Variants in SYT16 observed in about 807,000 individuals in gnomAD.
SYT16 encodes the protein synaptotagmin 16.
SYT16 carries 42 observed loss-of-function variants against 61.4 expected under a neutral mutation model. The observed-to-expected ratio is 0.68, with a 90% CI of 0.53 to 0.89. SYT16 has a LOEUF of 0.89. Ranked by LOEUF, SYT16 falls within the 40% of genes least tolerant of loss-of-function variation. The pLI, the probability that SYT16 is intolerant of heterozygous loss-of-function variation, is 0.00. For synonymous variants in SYT16, 314 were observed against 302.3 expected, an observed-to-expected ratio of 1.04 and a Z score of -0.40; for missense variants, 804 against 807.3, an observed-to-expected ratio of 1.00 and a Z score of 0.05.
intron 3 of SYT16, among the ~76,000 whole-genome samples, chr14:62,051,718 G>T (rs76134318): frequency 0.042 from 6,451 of 152,168 alleles, 172 homozygotes; most frequent in Middle Eastern, 0.092. Context: ...TATCTCAGTC[G>T]ATCTTGTTAG....
chr14:61,818,604 G>T (rs987486806), intron 1 of SYT16, among the ~76,000 whole-genome samples: 14 of 151,788 alleles, frequency 9.2e-5, no homozygotes, highest in Admixed American at 2.6e-4. Flanking sequence ...CTTGAACCTG[G>T]GAGGCGGAGG....
chr14:62,071,630 C>G (rs1001067830), intron 4 of SYT16, among the ~76,000 whole-genome samples: 2 of 151,930 alleles, frequency 1.3e-5, no homozygotes, highest in Non-Finnish European at 2.9e-5. Flanking sequence ...TTTTTTTGTT[C>G]ATCTTTATAT....
chr14:61,982,901 T>G (rs886569143), intron 2 of SYT16, among the ~76,000 whole-genome samples: 1 of 152,194 alleles, frequency 6.6e-6, no homozygotes, highest in South Asian at 2.1e-4. Context: ...AGATACATCC[T>G]GTCTGGAGGA....
intron 1 of SYT16, among the ~76,000 whole-genome samples, chr14:61,888,935 C>T (rs975862693): frequency 5.3e-5 from 8 of 152,072 alleles, no homozygotes; most frequent in Admixed American, 3.9e-4. Context: ...TTAGGTTTTG[C>T]GCTGGTATTG....
intron 3 of SYT16, among the ~76,000 whole-genome samples, chr14:62,063,846 C>T (rs1349241482): frequency 6.6e-6 from 1 of 152,110 alleles, no homozygotes; most frequent in Non-Finnish European, 1.5e-5. Context: ...CACAGTAGCA[C>T]CTTGGTTGTG....
intron 4 of SYT16, among the ~76,000 whole-genome samples, chr14:62,074,316 A>G (rs570394559): frequency 6.6e-6 from 1 of 152,188 alleles, no homozygotes; most frequent in South Asian, 2.1e-4. Context: ...ATGGGGAGGG[A>G]GGACAGGACA....
rs145271855 is a variant in SYT16, at chr14:61,859,270, A to G, written c.-325+46460A>G. Among the ~76,000 whole-genome samples the G allele has an allele frequency of 2.8e-3, 424 of 152,244 alleles. 3 individuals are homozygous for G. The highest frequency in any genetic ancestry group is 9.9e-3 in the African/African-American group (412 of 41,554). ...TGCTGGCGGGAACTAGGGACTAGAC[A>G]TGTTGGCTCCATCTTCCTTTAGGTG... On this transcript the variant is annotated intron_variant, in intron 1 of 7. Transcript: ENST00000683842.
intron 1 of SYT16, among the ~76,000 whole-genome samples, chr14:61,930,782 A>T (rs2049734084): frequency 1.3e-5 from 2 of 152,016 alleles, no homozygotes; most frequent in Non-Finnish European, 2.9e-5. Context: ...GGTCAGAGTA[A>T]TGTGATATAA....
At chr14:62,086,269 A>T (rs2056882964) in intron 7 of SYT16, among the ~76,000 whole-genome samples, 1 of 152,180 alleles carries the variant, frequency 6.6e-6, no homozygotes, top group African/African-American at 2.4e-5. Flanking sequence ...ACCTCAGGCC[A>T]GGGGTTTGAG....
intron 1 of SYT16, among the ~76,000 whole-genome samples, chr14:61,816,644 G>T (rs1237001168): frequency 6.6e-6 from 1 of 152,112 alleles, no homozygotes; most frequent in East Asian, 1.9e-4. Context: ...CATTGTTAAA[G>T]AATTTCCCCC....
At chr14:62,021,067 C>A (rs1236086052) in intron 3 of SYT16, among the ~76,000 whole-genome samples, 2 of 152,086 alleles carry the variant, frequency 1.3e-5, no homozygotes, top group Non-Finnish European at 2.9e-5. Flanking sequence ...AAGAACTCAT[C>A]TTGTATTATA....
At position 62,057,154 on chromosome 14, in the gene SYT16, A is replaced by G. The variant is rs114782768; in HGVS notation, c.524-12449A>G. On this transcript the variant is annotated intron_variant, in intron 3 of 7. Transcript: ENST00000683842. ...GATGGTTCCCACCCAGATTGAGGGT[A>G]GGTCTGCCTTTCCCAGTTCACTCAC... Among the ~76,000 whole-genome samples the G allele has an allele frequency of 4.2e-3, 646 of 152,306 alleles. 5 individuals carry two copies. Among genetic ancestry groups the G allele is most frequent in the African/African-American group, 0.015 (617 of 41,564 alleles).
chr14:61,846,400 C>G (rs896674465), intron 1 of SYT16, among the ~76,000 whole-genome samples: 4 of 152,148 alleles, frequency 2.6e-5, no homozygotes, highest in African/African-American at 9.7e-5. Context: ...ACCCCTTTAT[C>G]ATTATATGGT....
intron 1 of SYT16, among the ~76,000 whole-genome samples, chr14:61,863,235 A>G (rs575480073): frequency 1.4e-4 from 22 of 152,276 alleles, no homozygotes; most frequent in African/African-American, 4.8e-4. Context: ...TTGCATTCCC[A>G]CCAGCAGTGA....
At chr14:62,085,271 T>C (rs554675661) in intron 7 of SYT16, among the ~76,000 whole-genome samples, 8 of 152,228 alleles carry the variant, frequency 5.3e-5, no homozygotes, top group Non-Finnish European at 1.0e-4. Flanking sequence ...AGATGATTTC[T>C]TTTTTGCTTC....
At chr14:61,846,169 G>A (rs922816614) in intron 1 of SYT16, among the ~76,000 whole-genome samples, 1 of 152,128 alleles carries the variant, frequency 6.6e-6, no homozygotes, top group Non-Finnish European at 1.5e-5. Flanking sequence ...GGTCCATTTG[G>A]TCTATAGTGC....
chr14:62,012,616 C>A (rs1488665644), intron 3 of SYT16, among the ~76,000 whole-genome samples: 1 of 152,102 alleles, frequency 6.6e-6, no homozygotes, highest in Non-Finnish European at 1.5e-5. Flanking sequence ...CATCTTCTTA[C>A]CACAGGATTC....
chr14:61,861,629 T>A (rs1275715995), intron 1 of SYT16, among the ~76,000 whole-genome samples: 1 of 152,206 alleles, frequency 6.6e-6, no homozygotes, highest in Non-Finnish European at 1.5e-5. Flanking sequence ...GGTCTCGAAT[T>A]CCTGGGCTCA....
chr14:62,055,145 A>G (rs925393289), intron 3 of SYT16, among the ~76,000 whole-genome samples: 2 of 152,282 alleles, frequency 1.3e-5, no homozygotes, highest in Admixed American at 6.5e-5. Context: ...CTGCATGTGC[A>G]GAAATTTAAT....
Sources: gnomAD v4.1 joint callset for allele counts (sites outside exome capture counted in the v4.1 genomes callset) on GRCh38, gnomAD v4.1.1 for gene constraint, MANE v1.5 for transcripts, NCBI Gene and HGNC (gene_info 2026-07-23, HGNC 2026-07-21) for gene names.